Variants in CTCF observed in about 807,000 individuals in gnomAD.
The protein encoded by CTCF is CCCTC-binding factor.
In CTCF, 7 loss-of-function variants were observed where a neutral mutation model predicts 72.3. The observed-to-expected ratio is 0.10, with a 90% CI of 0.06 to 0.18. The LOEUF (loss-of-function observed/expected upper bound fraction) is 0.18. CTCF is among the 10% of genes least tolerant of loss of function. The pLI is 1.00. For missense variants in CTCF, 516 were observed against 949.1 expected (o/e 0.54, Z 6.00); for synonymous variants, 374 against 315.8 (o/e 1.18, Z -1.95).
intron 2 of CTCF, among the ~76,000 whole-genome samples, chr16:67,600,721 T>C (rs1009768144): frequency 6.6e-6 from 1 of 152,104 alleles, no homozygotes; most frequent in African/African-American, 2.4e-5. Context: ...TATAGAAGTG[T>C]ATATAAATTC....
intron 5 of CTCF, among the ~76,000 whole-genome samples, chr16:67,620,291 C>T (rs2052184425): frequency 6.6e-6 from 1 of 152,116 alleles, no homozygotes; most frequent in African/African-American, 2.4e-5. Context: ...GCCTCCACCT[C>T]CTGGGTTCAA....
chr16:67,636,082 AT>A (rs1340439577), intron 10 of CTCF, among the ~76,000 whole-genome samples: 2 of 151,686 alleles, frequency 1.3e-5, no homozygotes, highest in African/African-American at 4.8e-5. Context: ...AAATACAAAG[AT>A]TATCTGGATT....
chr16:67,603,486 T>TC (rs1243889318), intron 2 of CTCF, among the ~76,000 whole-genome samples: 2 of 148,726 alleles, frequency 1.3e-5, no homozygotes, highest in Non-Finnish European at 3.0e-5. Context: ...TGAGCCGAGA[T>TC]CAAGTCCCTG....
At chr16:67,596,215 G>T (rs2051812896) in intron 2 of CTCF, among the ~76,000 whole-genome samples, 1 of 152,198 alleles carries the variant, frequency 6.6e-6, no homozygotes, top group Non-Finnish European at 1.5e-5. Context: ...GCCTCCCAAA[G>T]TGCTGGGATT....
In CTCF at chr16:67,562,696, G is replaced by A. The variant is rs1259022499; in HGVS notation, c.-155G>A. 6.6e-6 allele frequency: 1 copy of A among 151,464 alleles called. No individual in the cohort carries two copies. Among genetic ancestry groups the A allele is most frequent in the Non-Finnish European group, 1.5e-5 (1 of 67,740 alleles). The allele number at this position is 151,464 out of a possible 1,614,324, so 9.4% of individuals were successfully genotyped here. A position where few individuals can be genotyped will look rare whatever the true frequency, so the allele number is the denominator to read the frequency against. On this transcript the variant is annotated 5_prime_UTR_variant, in exon 1 of 12. Coordinates refer to ENST00000264010, the MANE Select transcript of CTCF (RefSeq NM_006565.4). ...GCCGGAGCCGTGGAGCGGCGGCGGA[G>A]CGGGCGCCGCGGGGGGTGTGGCGCG...
intron 2 of CTCF, among the ~76,000 whole-genome samples, chr16:67,597,415 C>G (rs964083646): frequency 5.3e-5 from 8 of 152,060 alleles, no homozygotes; most frequent in African/African-American, 1.7e-4. Context: ...TCTTGACGCA[C>G]TACAACCTCC....
rs186744337 is a variant in CTCF, at chr16:67,628,278, A to T, written c.1519-92A>T. 5,265 of 1,168,794 alleles carry T rather than the reference A, an allele frequency of 4.5e-3. 240 individuals carry two copies. In the South Asian group the frequency reaches 0.071, roughly 16 times the overall value. The allele number at this position is 1,168,794 out of a possible 1,614,324, so 72.4% of individuals were successfully genotyped here. On this transcript the variant is annotated intron_variant, in intron 8 of 11. Coordinates refer to ENST00000264010, the MANE Select transcript of CTCF (RefSeq NM_006565.4). ...GTGGAGTCTAGACCTAGCTTGGGTG[A>T]GAAATACCTGTTGGCCACATGCATG...
intron 2 of CTCF, among the ~76,000 whole-genome samples, chr16:67,580,241 G>A (rs534272256): frequency 5.3e-5 from 8 of 152,190 alleles, no homozygotes; most frequent in Admixed American, 2.0e-4. Flanking sequence ...ACAGACTCTC[G>A]CTCTGTTGCC....
chr16:67,581,790 A>G (rs1313817576), intron 2 of CTCF, among the ~76,000 whole-genome samples: 23 of 152,014 alleles, frequency 1.5e-4, no homozygotes, highest in Admixed American at 1.5e-3. Context: ...GACGTGAGCC[A>G]TAGCACACAG....
intron 10 of CTCF, among the ~76,000 whole-genome samples, chr16:67,635,281 A>G: frequency 6.6e-6 from 1 of 151,906 alleles, no homozygotes; most frequent in East Asian, 1.9e-4. Flanking sequence ...CAGCCTCCCA[A>G]AGTGCTGGGA....
chr16:67,609,130 G>T (rs1373157723), intron 2 of CTCF, among the ~76,000 whole-genome samples: 1 of 152,150 alleles, frequency 6.6e-6, no homozygotes, highest in African/African-American at 2.4e-5. Flanking sequence ...ACTTTGGGAG[G>T]CTTAGGTGGG....
intron 2 of CTCF, among the ~76,000 whole-genome samples, chr16:67,581,530 G>A (rs1350945168): frequency 6.6e-6 from 1 of 151,812 alleles, no homozygotes; most frequent in Non-Finnish European, 1.5e-5. Flanking sequence ...TTCAGACAGA[G>A]TCTTCCTCTG....
rs189193346 is a variant in CTCF at position 67,572,029 on chromosome 16, C to T, written c.-10+765C>T. Among the ~76,000 whole-genome samples the T allele has an allele frequency of 2.0e-3, 304 of 152,076 alleles. 2 individuals are homozygous for T. The highest frequency in any genetic ancestry group is 7.1e-3 in the African/African-American group (293 of 41,482). ...TAGAAAAATGTGAAAATAATTTAAT[C>T]GTACATGTGTAATGGCAAAAAGGAA... On this transcript the variant is annotated intron_variant, in intron 2 of 11. Transcript: ENST00000264010.
chr16:67,636,467 G>C (rs2052429305), intron 10 of CTCF, among the ~76,000 whole-genome samples: 1 of 145,562 alleles, frequency 6.9e-6, no homozygotes, highest in Non-Finnish European at 1.5e-5. Context: ...AGAATTGCTT[G>C]AATCTGGGAG....
intron 2 of CTCF, among the ~76,000 whole-genome samples, chr16:67,576,789 G>A (rs1203453048): frequency 2.0e-5 from 3 of 151,854 alleles, no homozygotes; most frequent in South Asian, 2.1e-4. Flanking sequence ...CTCTGCCTCC[G>A]AAAGTGCTGG....
intron 1 of CTCF, among the ~76,000 whole-genome samples, chr16:67,567,044 G>A (rs2051352254): frequency 6.6e-6 from 1 of 151,978 alleles, no homozygotes. Flanking sequence ...GTTTTGTCAT[G>A]TTGCCTAGGC....
At chr16:67,593,152 G>A (rs2051768664) in intron 2 of CTCF, among the ~76,000 whole-genome samples, 1 of 150,914 alleles carries the variant, frequency 6.6e-6, no homozygotes, top group Non-Finnish European at 1.5e-5. Flanking sequence ...AAAGAGAAAG[G>A]TGCAAGGTAT....
intron 7 of CTCF, chr16:67,623,356 A>T (rs2052231178): frequency 6.6e-6 from 1 of 151,328 alleles, no homozygotes; most frequent in Non-Finnish European, 1.5e-5. Context: ...AATAAAGACA[A>T]AGGGCCAGGC....
intron 9 of CTCF, among the ~76,000 whole-genome samples, chr16:67,629,008 C>T (rs2052327677): frequency 1.3e-5 from 2 of 151,528 alleles, no homozygotes. Context: ...TCCGAGATGG[C>T]ACCACTGCAC....
Sources: allele counts gnomAD v4.1 joint callset (sites outside exome capture counted in the v4.1 genomes callset), GRCh38; gene constraint gnomAD v4.1.1; transcripts MANE v1.5; gene names NCBI Gene and HGNC (gene_info 2026-07-23, HGNC 2026-07-21).